The following FRMD4B variants were observed in gnomAD, a reference collection of about 807,000 sequenced individuals.
The protein encoded by FRMD4B is FERM domain containing 4B.
A neutral mutation model predicts 141.5 loss-of-function variants in FRMD4B; 74 were observed. The observed-to-expected ratio is 0.52, with a 90% CI of 0.43 to 0.63. The LOEUF (loss-of-function observed/expected upper bound fraction) is 0.63. Ranked by LOEUF, FRMD4B falls within the 30% of genes least tolerant of loss-of-function variation. FRMD4B has a pLI of 0.00. For missense variants in FRMD4B, 1,366 were observed against 1,253.4 expected (o/e 1.09, Z -1.36); for synonymous variants, 506 against 467.9 (o/e 1.08, Z -1.05).
chr3:69,453,164 T>C (rs1373686017), intron 1 of FRMD4B, among the ~76,000 whole-genome samples: 2 of 152,144 alleles, frequency 1.3e-5, no homozygotes, highest in South Asian at 2.1e-4. Context: ...AGGGAAGAGA[T>C]GAAGAGATGG....
chr3:69,214,191 T>A lies in FRMD4B; in HGVS notation c.876+2072A>T, dbSNP rs551793400. On this transcript the variant is annotated intron_variant, in intron 11 of 22. Transcript: ENST00000398540. ...GAAGACTGTGTGCAATGATTCAAGC[T>A]GCATGGACACTTAGAAGATGAAGAG... 1.4e-4 allele frequency among the ~76,000 whole-genome samples: 22 copies of A among 152,346 alleles called. 1 individual carries two copies. The East Asian group carries it at 4.0e-3, about 28-fold the overall frequency.
rs139207353 is a variant in FRMD4B, at chr3:69,366,001, A to G, written c.162+19827T>C. 6.5e-3 allele frequency among the ~76,000 whole-genome samples: 976 copies of G among 150,826 alleles called. 34 individuals are homozygous for G. The highest frequency in any genetic ancestry group is 0.01 in the South Asian group (47 of 4,698). On this transcript the variant is annotated intron_variant, in intron 1 of 22. Coordinates refer to ENST00000398540, the MANE Select transcript of FRMD4B (RefSeq NM_015123.3). ...TGAGAGGCTGAGGAGGGGGCAGATC[A>G]TTTGAGGCCAGGAGTTTGAGATCAA...
intron 5 of FRMD4B, among the ~76,000 whole-genome samples, chr3:69,260,698 C>G (rs528373094): frequency 6.6e-6 from 1 of 152,224 alleles, no homozygotes. Flanking sequence ...ATCCACTAGG[C>G]GAAGCCAGAT....
chr3:69,218,566 G>T (rs1431285123), intron 9 of FRMD4B, among the ~76,000 whole-genome samples, 187 bp from the exon 10 acceptor site: 1 of 152,114 alleles, frequency 6.6e-6, no homozygotes, highest in Non-Finnish European at 1.5e-5. Flanking sequence ...CAAATGTCAG[G>T]AAAATGCTAA....
At chr3:69,173,605 C>T (rs1426723999) in intron 22 of FRMD4B, among the ~76,000 whole-genome samples, 1 of 152,018 alleles carries the variant, frequency 6.6e-6, no homozygotes, top group African/African-American at 2.4e-5. Flanking sequence ...ATTATCCTTG[C>T]CCTGTTAATA....
chr3:69,525,816 C>T (rs141218131), intron 1 of FRMD4B, among the ~76,000 whole-genome samples: 297 of 150,696 alleles, frequency 2.0e-3, no homozygotes, highest in African/African-American at 7.1e-3. Context: ...CCATGCCTGG[C>T]TAAGTTTTGT....
chr3:69,283,429 CAAAA>C (rs59444542), intron 5 of FRMD4B, among the ~76,000 whole-genome samples: 19 of 139,378 alleles, frequency 1.4e-4, no homozygotes, highest in Admixed American at 2.1e-4. Context: ...GCAACAACAA[CAAAA>C]AAAAAAAAAA....
rs1221868349 is a variant in FRMD4B, at chr3:69,171,477, G to C, written c.*384C>G. On this transcript the variant is annotated 3_prime_UTR_variant, in exon 23 of 23. Coordinates refer to ENST00000398540, the MANE Select transcript of FRMD4B (RefSeq NM_015123.3). ...CTCATCCTGCTGAATTGTGCTCTGA[G>C]ATTTCCCCTGTTCTTATTGCCATGG... The C allele has an allele frequency of 3.0e-5, 5 of 167,838 alleles. No homozygotes were observed. Among genetic ancestry groups the C allele is most frequent in the African/African-American group, 9.6e-5 (4 of 41,684 alleles). The allele number at this position is 167,838 out of a possible 1,614,324, so 10.4% of individuals were successfully genotyped here. A position where few individuals can be genotyped will look rare whatever the true frequency, so the allele number is the denominator to read the frequency against.
At chr3:69,273,195 C>T (rs1345505646) in intron 5 of FRMD4B, among the ~76,000 whole-genome samples, 1 of 152,114 alleles carries the variant, frequency 6.6e-6, no homozygotes, top group Non-Finnish European at 1.5e-5. Context: ...AACTGAATTC[C>T]CTCAATGTAG....
chr3:69,175,401 A>T (rs932189333), intron 22 of FRMD4B, among the ~76,000 whole-genome samples: 2 of 152,234 alleles, frequency 1.3e-5, no homozygotes, highest in Admixed American at 6.5e-5. Flanking sequence ...GCAATTTTTT[A>T]AAAAATCAGT....
In FRMD4B at chr3:69,218,307, T is replaced by G; in HGVS notation, c.789+15A>C. ...CTCAATCATCACGAAAGCTTTGTCA[T>G]GTAAAATTACTTACCTTTACTGCAT... On this transcript the variant is annotated intron_variant, in intron 10 of 22. Transcript: ENST00000398540. 7.3e-7 allele frequency: 1 copy of G among 1,378,768 alleles called. No individual in the cohort carries two copies. The highest frequency in any genetic ancestry group is 1.0e-6 in the Non-Finnish European group (1 of 975,032). 85.4% of individuals were successfully genotyped at this position (1,378,768 alleles called of 1,614,324 possible).
At chr3:69,454,374 G>A (rs1575807528) in intron 1 of FRMD4B, among the ~76,000 whole-genome samples, 1 of 152,346 alleles carries the variant, frequency 6.6e-6, no homozygotes, top group Middle Eastern at 3.4e-3. Flanking sequence ...TGCACCGTGG[G>A]AGCCCCTCTC....
rs535856902 is a variant in FRMD4B at position 69,264,095 on chromosome 3, C to T, written c.502-13996G>A. On this transcript the variant is annotated intron_variant, in intron 5 of 22. Transcript: ENST00000398540. The stretch of plus-strand genomic sequence containing the variant: ...ACCTTGGCCTCTCAAAGTGTCAACC[C>T]CATTCTTAATTGCTTAGATCCAAGA... Among the ~76,000 whole-genome samples the T allele has an allele frequency of 3.9e-5, 6 of 152,142 alleles. 1 individual carries two copies. In the South Asian group the frequency reaches 1.2e-3, roughly 32 times the overall value.
At chr3:69,356,274 A>C (rs1474234464) in intron 1 of FRMD4B, among the ~76,000 whole-genome samples, 1 of 152,144 alleles carries the variant, frequency 6.6e-6, no homozygotes, top group Non-Finnish European at 1.5e-5. Flanking sequence ...GGAGATTAAC[A>C]TTTAAGTCAG....
chr3:69,474,663 C>T (rs1289859146), intron 1 of FRMD4B, among the ~76,000 whole-genome samples: 2 of 151,992 alleles, frequency 1.3e-5, no homozygotes, highest in Admixed American at 1.3e-4. Context: ...TGTTCCAATA[C>T]CTTGATTGCT....
At chr3:69,529,958 ATTTAGACT>A (rs1700988076) in intron 1 of FRMD4B, among the ~76,000 whole-genome samples, 1 of 152,206 alleles carries the variant, frequency 6.6e-6, no homozygotes, top group African/African-American at 2.4e-5. Context: ...TCACCTACCT[ATTTAGACT>A]TTTAGAATAC....
intron 2 of FRMD4B, among the ~76,000 whole-genome samples, chr3:69,425,140 A>T (rs1472650763): frequency 6.6e-6 from 1 of 152,160 alleles, no homozygotes; most frequent in Non-Finnish European, 1.5e-5. Flanking sequence ...TCAGTAGTTA[A>T]TTTATATAGT....
rs905372799 is a variant in FRMD4B at position 69,343,582 on chromosome 3, T to G, written c.163-30065A>C. 4.2e-5 allele frequency among the ~76,000 whole-genome samples: 3 copies of G among 70,924 alleles called. No individual in the cohort carries two copies. The East Asian group carries it at 3.6e-3, about 84-fold the overall frequency. The allele number at this position is 70,924 out of a possible 152,430, so 46.5% of individuals were successfully genotyped here. ...TTTTGTCTTAACAGTTTTTTGTTTTTTTTTTTTTTTTTTTTTAGACGGGGT... is the reference window on the plus strand; with the variant it reads ...TTTTGTCTTAACAGTTTTTTGTTTTGTTTTTTTTTTTTTTTTAGACGGGGT... On this transcript the variant is annotated intron_variant, in intron 1 of 22. Transcript: ENST00000398540.
intron 2 of FRMD4B, among the ~76,000 whole-genome samples, chr3:69,407,763 A>G (rs4855311): frequency 0.68 from 103,520 of 152,088 alleles, 35,361 homozygotes; most frequent in Middle Eastern, 0.7. Context: ...GATCAGCAAT[A>G]TCTGCCATAG....
Sources: gnomAD v4.1 joint callset for allele counts (sites outside exome capture counted in the v4.1 genomes callset) on GRCh38, gnomAD v4.1.1 for gene constraint, MANE v1.5 for transcripts, NCBI Gene and HGNC (gene_info 2026-07-23, HGNC 2026-07-21) for gene names.